The following SLC7A2 variants were observed in gnomAD, a reference collection of about 807,000 sequenced individuals.
SLC7A2 encodes cationic amino acid transporter 2.
SLC7A2 carries 48 observed loss-of-function variants against 58.9 expected under a neutral mutation model. The observed-to-expected ratio is 0.82, with a 90% CI of 0.65 to 1.04. The LOEUF (loss-of-function observed/expected upper bound fraction) is 1.04. SLC7A2 is among the 50% of genes least tolerant of loss of function. The probability of loss-of-function intolerance (pLI) is 0.00; values close to 1 mark genes in which losing one functional copy is unlikely to be tolerated. For synonymous variants in SLC7A2, 363 were observed against 314.5 expected (o/e 1.15, Z -1.63); for missense variants, 1,029 against 818.8 (o/e 1.26, Z -3.13).
Position 17,569,073 on chromosome 8 carries a change from A to C in SLC7A2, c.*3927A>C, listed in dbSNP as rs1409017579. 1 of 152,226 alleles carries C rather than the reference A, an allele frequency of 6.6e-6. No individual in the cohort carries two copies. Among genetic ancestry groups the C allele is most frequent in the Non-Finnish European group, 1.5e-5 (1 of 68,042 alleles). The allele number at this position is 152,226 out of a possible 1,614,324, so 9.4% of individuals were successfully genotyped here. The stretch of plus-strand genomic sequence containing the variant: ...CATAAGGAAAAGCCATCGGCCTCCA[A>C]TACCCATGATGACAGAGGGAGCACT... On this transcript the variant is annotated 3_prime_UTR_variant, in exon 13 of 13. Transcript: ENST00000494857.
intron 2 of SLC7A2, among the ~76,000 whole-genome samples, chr8:17,502,845 T>C (rs149612658): frequency 1.2e-3 from 190 of 152,268 alleles, no homozygotes; most frequent in Non-Finnish European, 2.2e-3. Flanking sequence ...ATACCATGAT[T>C]GGTTCTTACA....
chr8:17,541,083 G>T (rs1006170975), intron 2 of SLC7A2, among the ~76,000 whole-genome samples: 1 of 152,106 alleles, frequency 6.6e-6, no homozygotes, highest in African/African-American at 2.4e-5. Flanking sequence ...ACTTCAGTGG[G>T]TCTTTGTTTC....
In SLC7A2 at chr8:17,554,687, G is replaced by T. The variant is rs1327021612; in HGVS notation, c.1183G>T (p.Gly395Cys). The change falls in exon 8 of 13, where the codon GGT (glycine) becomes TGT (cysteine). Residue 395 changes from glycine to cysteine, a missense_variant. Physicochemically the swap from Gly to Cys is radical, Grantham distance 159. Transcript: ENST00000494857. ...KTPIIATLSS[G>C]AVAALMAFLF... ...ACCAATAATTGCTACTTTATCATCG[G>T]GTGCAGTGGCAGGTGAGAGAGAGTT... is the stretch of plus-strand genomic sequence containing the variant. The T allele has an allele frequency of 1.9e-5, 30 of 1,610,538 alleles. No individual in the cohort carries two copies. The highest frequency in any genetic ancestry group is 2.4e-5 in the Non-Finnish European group (28 of 1,179,144).
Position 17,550,324 on chromosome 8 carries a change from C to G in SLC7A2, c.722C>G (p.Thr241Arg), listed in dbSNP as rs756701680. The G allele has an allele frequency of 3.1e-6, 5 of 1,613,956 alleles. No individual in the cohort carries two copies. The South Asian group carries it at 4.4e-5, about 14-fold the overall frequency. ...SAREPPSENGTSIYGAGGFMP... is the reference protein window; with the variant it reads ...SAREPPSENGRSIYGAGGFMP... ...AGAGAGCCACCTTCTGAAAACGGAA[C>G]AAGTATCTATGGGGCTGGTGGCTTT... Residue 241 changes from threonine to arginine, a missense_variant, in exon 6 of 13, where the codon ACA (threonine) becomes AGA (arginine). Thr to Arg is a moderately conservative substitution (Grantham distance 71). Coordinates refer to ENST00000494857, the MANE Select transcript of SLC7A2 (RefSeq NM_001370338.1).
chr8:17,556,254 T>A (rs1394847912), intron 8 of SLC7A2, among the ~76,000 whole-genome samples: 2 of 152,050 alleles, frequency 1.3e-5, no homozygotes, highest in Admixed American at 1.3e-4. Flanking sequence ...TGACAAAGAG[T>A]CATACGTTTT....
chr8:17,559,789 C>T (rs1802877295), intron 9 of SLC7A2, among the ~76,000 whole-genome samples: 1 of 151,992 alleles, frequency 6.6e-6, no homozygotes, highest in Non-Finnish European at 1.5e-5. Flanking sequence ...ATAAGCTATA[C>T]AGGAGGAGGA....
chr8:17,499,542 C>T (rs762990253), intron 1 of SLC7A2, among the ~76,000 whole-genome samples: 29 of 150,796 alleles, frequency 1.9e-4, no homozygotes, highest in Non-Finnish European at 4.1e-4. Flanking sequence ...TTCCCCCAAA[C>T]ATGTAGATAT....
At chr8:17,532,369 G>C (rs1410182329) in intron 2 of SLC7A2, among the ~76,000 whole-genome samples, 1 of 151,722 alleles carries the variant, frequency 6.6e-6, no homozygotes, top group Non-Finnish European at 1.5e-5. Flanking sequence ...TGAGCATGGA[G>C]TCCCCTCCTG....
chr8:17,530,051 G>C (rs891246043), intron 2 of SLC7A2, among the ~76,000 whole-genome samples: 8 of 152,074 alleles, frequency 5.3e-5, no homozygotes, highest in African/African-American at 1.9e-4. Context: ...TATCTCTCTT[G>C]CCGGCTTCTC....
Position 17,570,228 on chromosome 8 carries a change from T to G in SLC7A2, c.*5082T>G, listed in dbSNP as rs548648426. 3.9e-5 allele frequency: 6 copies of G among 152,346 alleles called. No individual in the cohort carries two copies. The East Asian group carries it at 1.2e-3, about 29-fold the overall frequency. 9.4% of individuals were successfully genotyped at this position (152,346 alleles called of 1,614,324 possible). A position where few individuals can be genotyped will look rare whatever the true frequency, so the allele number is the denominator to read the frequency against. The stretch of plus-strand genomic sequence containing the variant: ...GTTTCTCTGGCCTACACCTGATTAA[T>G]GGGCCCTTTATCTTTGGTGTCCCCT... On this transcript the variant is annotated 3_prime_UTR_variant, in exon 13 of 13. Transcript: ENST00000494857.
chr8:17,521,682 A>G (rs890615736), intron 2 of SLC7A2, among the ~76,000 whole-genome samples: 1 of 152,202 alleles, frequency 6.6e-6, no homozygotes, highest in African/African-American at 2.4e-5. Flanking sequence ...CAAGCCTCTC[A>G]TTAGCATGGG....
At chr8:17,533,823 C>A (rs949052633) in intron 2 of SLC7A2, among the ~76,000 whole-genome samples, 7 of 152,072 alleles carry the variant, frequency 4.6e-5, no homozygotes, top group Non-Finnish European at 8.8e-5. Flanking sequence ...TAGGTAAACT[C>A]GTGCCATGGT....
chr8:17,522,245 A>G (rs1176026660), intron 2 of SLC7A2, among the ~76,000 whole-genome samples: 3 of 152,206 alleles, frequency 2.0e-5, no homozygotes, highest in Admixed American at 6.5e-5. Flanking sequence ...GTATCCCCTT[A>G]TAAAACCATC....
At chr8:17,505,857 A>C (rs1028651055) in intron 2 of SLC7A2, among the ~76,000 whole-genome samples, 1 of 152,144 alleles carries the variant, frequency 6.6e-6, no homozygotes, top group Non-Finnish European at 1.5e-5. Context: ...ACTAAAGACC[A>C]GTGGAAGCAT....
chr8:17,514,395 C>T (rs889883068), intron 2 of SLC7A2, among the ~76,000 whole-genome samples: 4 of 152,066 alleles, frequency 2.6e-5, no homozygotes, highest in African/African-American at 7.2e-5. Context: ...CCAGAAAACC[C>T]GTGTTTTTAT....
At chr8:17,564,600 G>A (rs1803175232) in intron 12 of SLC7A2, among the ~76,000 whole-genome samples, 1 of 152,156 alleles carries the variant, frequency 6.6e-6, no homozygotes. Flanking sequence ...GCATTAGTTA[G>A]ATTCTCATAA....
chr8:17,567,842 T>A lies in SLC7A2; in HGVS notation c.*2696T>A, dbSNP rs186552805. 57 of 152,324 alleles carry A rather than the reference T, an allele frequency of 3.7e-4. No individual in the cohort carries two copies. Among genetic ancestry groups the A allele is most frequent in the African/African-American group, 1.3e-3 (53 of 41,566 alleles). The allele number at this position is 152,324 out of a possible 1,614,324, so 9.4% of individuals were successfully genotyped here. On this transcript the variant is annotated 3_prime_UTR_variant, in exon 13 of 13. Coordinates refer to ENST00000494857, the MANE Select transcript of SLC7A2 (RefSeq NM_001370338.1). Reference sequence around the variant, plus strand: ...CTAAACTCTAGTACATTATAGCAGGTGCTTTGTAATCTGGAATGGAGAAGA... The same window carrying A: ...CTAAACTCTAGTACATTATAGCAGGAGCTTTGTAATCTGGAATGGAGAAGA...
intron 6 of SLC7A2, among the ~76,000 whole-genome samples, chr8:17,551,281 C>T (rs1802438188): frequency 6.6e-6 from 1 of 152,148 alleles, no homozygotes; most frequent in South Asian, 2.1e-4. Context: ...AAAGTACCTT[C>T]AAGAATAGAG....
chr8:17,565,306 G>C lies in SLC7A2; in HGVS notation c.*160G>C, dbSNP rs1176586495. On this transcript the variant is annotated 3_prime_UTR_variant, in exon 13 of 13. Coordinates refer to ENST00000494857, the MANE Select transcript of SLC7A2 (RefSeq NM_001370338.1). ...CATCTGGACAGCATCTCCTCAGATG[G>C]TGAATTATGTGCACGGGGAAACCTC... 3.3e-6 allele frequency: 2 copies of C among 606,346 alleles called. No individual in the cohort carries two copies. Among genetic ancestry groups the C allele is most frequent in the Non-Finnish European group, 5.7e-6 (2 of 351,604 alleles). 37.6% of individuals were successfully genotyped at this position (606,346 alleles called of 1,614,324 possible). A position where few individuals can be genotyped will look rare whatever the true frequency, so the allele number is the denominator to read the frequency against.
Sources: allele counts gnomAD v4.1 joint callset (sites outside exome capture counted in the v4.1 genomes callset), GRCh38; gene constraint gnomAD v4.1.1; transcripts MANE v1.5; gene names NCBI Gene and HGNC (gene_info 2026-07-23, HGNC 2026-07-21).